The following NDRG3 variants were observed in gnomAD, a reference collection of about 807,000 sequenced individuals.
The protein encoded by NDRG3 is NDRG family member 3, also known as protein NDRG3.
A neutral mutation model predicts 57.2 loss-of-function variants in NDRG3; 23 were observed. The observed-to-expected ratio is 0.40, with a 90% CI of 0.29 to 0.57. The LOEUF (loss-of-function observed/expected upper bound fraction) is 0.57. NDRG3 is among the 20% of genes least tolerant of loss of function. The pLI is 0.42. For missense variants in NDRG3, 384 were observed against 457.3 expected, an observed-to-expected ratio of 0.84 and a Z score of 1.46; for synonymous variants, 132 against 162.6, an observed-to-expected ratio of 0.81 and a Z score of 1.43.
intron 2 of NDRG3, among the ~76,000 whole-genome samples, chr20:36,712,559 C>CTA (rs1201319236): frequency 0.016 from 331 of 20,732 alleles, 39 homozygotes; most frequent in Middle Eastern, 0.045. Flanking sequence ...CCATGCCCGG[C>CTA]TATATATATA....
intron 2 of NDRG3, among the ~76,000 whole-genome samples, chr20:36,719,198 G>A (rs1984443585): frequency 6.6e-6 from 1 of 152,130 alleles, no homozygotes; most frequent in South Asian, 2.1e-4. Context: ...GGAGGCCGAG[G>A]CGGGTGGATC....
At chr20:36,706,055 T>C (rs1983532276) in intron 3 of NDRG3, among the ~76,000 whole-genome samples, 1 of 152,142 alleles carries the variant, frequency 6.6e-6, no homozygotes, top group Admixed American at 6.6e-5. Flanking sequence ...CTTAGTCCCA[T>C]TTCTTTCAGG....
chr20:36,671,560 T>C (rs956506475), intron 8 of NDRG3, among the ~76,000 whole-genome samples, 163 bp from the exon 9 acceptor site: 1 of 152,188 alleles, frequency 6.6e-6, no homozygotes, highest in African/African-American at 2.4e-5. Flanking sequence ...CCCAGGACTT[T>C]GGGAGGCTGA....
At chr20:36,691,921 AGAAATGT>A (rs1982294554) in intron 3 of NDRG3, among the ~76,000 whole-genome samples, 1 of 152,204 alleles carries the variant, frequency 6.6e-6, no homozygotes, top group Non-Finnish European at 1.5e-5. Flanking sequence ...AGTAAACCTG[AGAAATGT>A]GATCCCAGTC....
intron 13 of NDRG3, among the ~76,000 whole-genome samples, chr20:36,656,852 T>C (rs1978720665): frequency 6.6e-6 from 1 of 152,208 alleles, no homozygotes; most frequent in African/African-American, 2.4e-5. Flanking sequence ...TTCAGAGCCC[T>C]CGAACAGTGT....
chr20:36,664,590 TA>T (rs1266477931), intron 12 of NDRG3, among the ~76,000 whole-genome samples: 2 of 152,216 alleles, frequency 1.3e-5, no homozygotes, highest in African/African-American at 4.8e-5. Context: ...AAGGATAAAT[TA>T]ATTTTCCAAA....
chr20:36,660,125 T>C (rs8118623), intron 13 of NDRG3, among the ~76,000 whole-genome samples: 1 of 151,872 alleles, frequency 6.6e-6, no homozygotes, highest in Non-Finnish European at 1.5e-5. Context: ...GGAGAATTGC[T>C]TGAACCCGAG....
rs1481152144 is a variant in NDRG3 at position 36,680,892 on chromosome 20, G to T, written c.455C>A (p.Pro152Gln). 2 of 1,613,854 alleles carry T rather than the reference G, an allele frequency of 1.2e-6. No individual in the cohort carries two copies. The highest frequency in any genetic ancestry group is 1.7e-5 in the Admixed American group (1 of 60,016). Residue 152 changes from proline (P) to glutamine (Q), a missense_variant, in exon 8 of 16, where the codon CCA (proline) becomes CAA (glutamine). Pro to Gln is a moderately conservative substitution (Grantham distance 76, BLOSUM62 -1). Coordinates refer to ENST00000349004, the MANE Select transcript of NDRG3 (RefSeq NM_032013.4). ...YILSRFALNH[P>Q]ELVEGLVLIN... ...GAGCACAAGGCCTTCCACAAGCTCT[G>T]GATGGTTGAGCTGAAAGATGAGGCA...
chr20:36,660,331 C>G lies in NDRG3; in HGVS notation c.858+6G>C, dbSNP rs1182518211. 27 of 1,600,140 alleles carry G rather than the reference C, an allele frequency of 1.7e-5. No individual in the cohort carries two copies. The highest frequency in any genetic ancestry group is 2.1e-5 in the Non-Finnish European group (25 of 1,170,680). On this transcript the variant is annotated splice_donor_region_variant and intron_variant, in intron 13 of 15. Coordinates refer to ENST00000349004, the MANE Select transcript of NDRG3 (RefSeq NM_032013.4). The stretch of plus-strand genomic sequence containing the variant: ...GGGTTGGAAGTGAGGGAAGAAGGCA[C>G]ATTACCTTTAGCAAAGTTGTATTTA...
intron 8 of NDRG3, among the ~76,000 whole-genome samples, chr20:36,673,268 TGTAAACATA>T (rs1980343345): frequency 6.6e-6 from 1 of 152,110 alleles, no homozygotes; most frequent in African/African-American, 2.4e-5. Context: ...TTCTCCAAAA[TGTAAACATA>T]GGAAGAGATG....
At chr20:36,676,108 C>T (rs1244435024) in intron 8 of NDRG3, among the ~76,000 whole-genome samples, 5 of 151,752 alleles carry the variant, frequency 3.3e-5, no homozygotes, top group Non-Finnish European at 7.4e-5. Flanking sequence ...GGCTTGGTGG[C>T]GGGCGCCTGT....
intron 2 of NDRG3, among the ~76,000 whole-genome samples, chr20:36,721,117 T>G (rs1984565543): frequency 6.6e-6 from 1 of 152,080 alleles, no homozygotes; most frequent in Non-Finnish European, 1.5e-5. Context: ...CATTATTTTT[T>G]CCCTTAGCAT....
chr20:36,665,120 G>A (rs1327378279), intron 11 of NDRG3, 23 bp from the exon 12 acceptor site: 1 of 1,613,588 alleles, frequency 6.2e-7, no homozygotes, highest in Admixed American at 1.7e-5. Flanking sequence ...AGTAAGAGGT[G>A]TCACTCAGCA....
At chr20:36,665,127 A>G (rs765084914) in intron 11 of NDRG3, 30 bp from the exon 12 acceptor site, 1 of 1,612,870 alleles carries the variant, frequency 6.2e-7, no homozygotes, top group South Asian at 1.1e-5. Flanking sequence ...GGTGTCACTC[A>G]GCAAATAGGC....
At chr20:36,713,175 G>A (rs1212066999) in intron 2 of NDRG3, among the ~76,000 whole-genome samples, 1 of 152,036 alleles carries the variant, frequency 6.6e-6, no homozygotes, top group African/African-American at 2.4e-5. Context: ...AGCAGAAAGG[G>A]ATTCAAGGAA....
chr20:36,661,055 C>T (rs1600854927), intron 12 of NDRG3, among the ~76,000 whole-genome samples: 1 of 152,294 alleles, frequency 6.6e-6, no homozygotes, highest in South Asian at 2.1e-4. Flanking sequence ...GGGTCCTCTC[C>T]TGCTGGGATC....
intron 1 of NDRG3, among the ~76,000 whole-genome samples, chr20:36,730,361 C>G (rs767212636): frequency 1.3e-5 from 2 of 151,860 alleles, no homozygotes; most frequent in Admixed American, 6.6e-5. Flanking sequence ...GTCAAGCAAT[C>G]CTCCCGCCTC....
chr20:36,671,540 C>T lies in NDRG3; in HGVS notation c.532-143G>A, dbSNP rs755743171. 11 of 607,040 alleles carry T rather than the reference C, an allele frequency of 1.8e-5. No individual in the cohort carries two copies. In the South Asian group the frequency reaches 2.2e-4, roughly 12 times the overall value. The allele number at this position is 607,040 out of a possible 1,614,324, so 37.6% of individuals were successfully genotyped here. A position where few individuals can be genotyped will look rare whatever the true frequency, so the allele number is the denominator to read the frequency against. ...ACCCTTGGCCAGGTGCGATGGCTCA[C>T]GCCTATAATCCCAGGACTTTGGGAG... On this transcript the variant is annotated intron_variant, in intron 8 of 15. Coordinates refer to ENST00000349004, the MANE Select transcript of NDRG3 (RefSeq NM_032013.4).
chr20:36,665,249 A>G lies in NDRG3; in HGVS notation c.745T>C (p.Ser249Pro). 6.2e-7 allele frequency: 1 copy of G among 1,614,136 alleles called. No individual in the cohort carries two copies. The highest frequency in any genetic ancestry group is 2.2e-5 in the East Asian group (1 of 44,882). Reference sequence around the variant, plus strand: ...TGAGGAACTTACTTTAATGTTTTTGATTTGTTATCATTTTGGCCCAGTATG... The same window carrying G: ...TGAGGAACTTACTTTAATGTTTTTGGTTTGTTATCATTTTGGCCCAGTATG... ...RPILGQNDNK[S>P]KTLKCSTLLV... The change falls in exon 11 of 16, where the codon TCA becomes CCA. Residue 249 changes from serine to proline, a missense_variant. By Grantham distance (74) the Ser-to-Pro change is moderately conservative (BLOSUM62 -1). Transcript: ENST00000349004.
Sources: allele counts gnomAD v4.1 joint callset (sites outside exome capture counted in the v4.1 genomes callset), GRCh38; gene constraint gnomAD v4.1.1; transcripts MANE v1.5; gene names NCBI Gene and HGNC (gene_info 2026-07-23, HGNC 2026-07-21).